The following CSNK1A1L variants were observed in gnomAD, a reference collection of about 807,000 sequenced individuals.
CSNK1A1L encodes the protein casein kinase 1 alpha 1 like, also known as casein kinase I isoform alpha-like.
In CSNK1A1L, 20 loss-of-function variants were observed where a neutral mutation model predicts 24.6. That is an observed-to-expected ratio of 0.81 (90% CI 0.57 to 1.18). The LOEUF (loss-of-function observed/expected upper bound fraction) is 1.18, where lower values mean the gene tolerates loss of function less well. Among genes scored for constraint, CSNK1A1L ranks in the 50% most tolerant of loss-of-function variants. CSNK1A1L has a pLI of 0.00. For synonymous variants in CSNK1A1L, 152 were observed against 154.0 expected, an observed-to-expected ratio of 0.99 and a Z score of 0.09; for missense variants, 414 against 419.0, an observed-to-expected ratio of 0.99 and a Z score of 0.10.
chr13:37,104,261 A>C lies in CSNK1A1L; in HGVS notation c.996T>G (p.Asn332Lys). 6.2e-7 allele frequency: 1 copy of C among 1,614,042 alleles called. No individual in the cohort carries two copies. Among genetic ancestry groups the C allele is most frequent in the South Asian group, 1.1e-5 (1 of 91,080 alleles). Reference sequence around the variant, plus strand: ...TTCACGCTTAGTTATCTTTCACATTATTCTTGTTTTTTTCAGTTTGCTTGC... The same window carrying C: ...TTCACGCTTAGTTATCTTTCACATTCTTCTTGTTTTTTTCAGTTTGCTTGC... The part of the protein sequence containing the change: ...QTGKQTEKNK[N>K]NVKDN The change falls in exon 1 of 1, where the codon AAT becomes AAG. Residue 332 changes from asparagine (N) to lysine (K), a missense_variant. By Grantham distance (94) the Asn-to-Lys change is moderately conservative. Coordinates refer to ENST00000379800, the MANE Select transcript of CSNK1A1L (RefSeq NM_145203.6).
In CSNK1A1L at chr13:37,105,396, G is replaced by A. The variant is rs989771082; in HGVS notation, c.-140C>T. The A allele has an allele frequency of 1.1e-6, 1 of 891,468 alleles. No homozygotes were observed. The highest frequency in any genetic ancestry group is 1.7e-5 in the South Asian group (1 of 59,198). 55.2% of individuals were successfully genotyped at this position (891,468 alleles called of 1,614,324 possible). ...CCGAGGCGTTTCCCGGTGTTACAGG[G>A]CGTGGAGTCAGCCTGATCCCTGCAG... On this transcript the variant is annotated 5_prime_UTR_variant, in exon 1 of 1. Transcript: ENST00000379800.
In CSNK1A1L at chr13:37,105,415, C is replaced by A; in HGVS notation, c.-159G>T. On this transcript the variant is annotated 5_prime_UTR_variant, in exon 1 of 1. Transcript: ENST00000379800. ...TACAGGGCGTGGAGTCAGCCTGATC[C>A]CTGCAGCACACCAGGATTTCCGCCA... The A allele has an allele frequency of 1.4e-6, 1 of 696,572 alleles. No homozygotes were observed. The allele number at this position is 696,572 out of a possible 1,614,324, so 43.1% of individuals were successfully genotyped here. A position where few individuals can be genotyped will look rare whatever the true frequency, so the allele number is the denominator to read the frequency against.
rs2070767461 is a variant in CSNK1A1L, at chr13:37,104,837, A to G, written c.420T>C (p.Asp140=). The G allele has an allele frequency of 6.2e-7, 1 of 1,613,694 alleles. No individual in the cohort carries two copies. Among genetic ancestry groups the G allele is most frequent in the African/African-American group, 1.3e-5 (1 of 74,784 alleles). The change falls in exon 1 of 1, where the codon GAT becomes GAC. Residue 140 remains aspartate, a synonymous_variant. Transcript: ENST00000379800. ...GACGCCCAGTACCCATCAGGAAGTT[A>G]TCTGGTTTAATGTCTCGGTGTAGAA... The part of the protein sequence containing the change: ...KNFLHRDIKP[D]NFLMGTGRHC...
Position 37,104,331 on chromosome 13 carries a change from G to A in CSNK1A1L, c.926C>T (p.Ala309Val), listed in dbSNP as rs758021029. Residue 309 changes from alanine to valine, a missense_variant, in exon 1 of 1, where the codon GCA becomes GTA. By Grantham distance (64) the Ala-to-Val change is moderately conservative. Transcript: ENST00000379800. ...TMLKQKAAQQ[A>V]ASSSGQGQQA... ...CTGACCCTGCCCACTGGAAGAGGCT[G>A]CCTGCTGTGCTGCTTTCTGCTTTAA... is the stretch of plus-strand genomic sequence containing the variant. 6.2e-7 allele frequency: 1 copy of A among 1,614,196 alleles called. No individual in the cohort carries two copies. The highest frequency in any genetic ancestry group is 8.5e-7 in the Non-Finnish European group (1 of 1,180,030).
At position 37,104,412 on chromosome 13, in the gene CSNK1A1L, C is replaced by T. The variant is rs759977373; in HGVS notation, c.845G>A (p.Arg282His). 1.2e-6 allele frequency: 2 copies of T among 1,614,106 alleles called. No homozygotes were observed. The highest frequency in any genetic ancestry group is 1.1e-5 in the South Asian group (1 of 91,080). Residue 282 changes from arginine (R) to histidine (H), a missense_variant, in exon 1 of 1, where the codon CGC becomes CAC. Coordinates refer to ENST00000379800, the MANE Select transcript of CSNK1A1L (RefSeq NM_145203.6). ...GTGGTTCAGGGTCCTGAAAAGAATG[C>T]GGAATAGCTGCCTCAGATACATGTA... Reference protein sequence around the residue: ...PDYMYLRQLFRILFRTLNHQY... With the variant: ...PDYMYLRQLFHILFRTLNHQY...
chr13:37,104,918 T>TA, the CSNK1A1L span: 2 of 1,614,154 alleles, frequency 1.2e-6, no homozygotes, highest in South Asian at 2.2e-5. Flanking sequence ...CTAACATAAG[T>TA]ACAGTTTTCA....
In CSNK1A1L at chr13:37,105,197, C is replaced by G. The variant is rs1287054950; in HGVS notation, c.60G>C (p.Val20=). 2 of 1,614,064 alleles carry G rather than the reference C, an allele frequency of 1.2e-6. No individual in the cohort carries two copies. Among genetic ancestry groups the G allele is most frequent in the Admixed American group, 1.7e-5 (1 of 60,012 alleles). Residue 20 remains valine (V), a synonymous_variant, in exon 1 of 1, where the codon GTG becomes GTC. Transcript: ENST00000379800. The part of the protein sequence containing the change: ...ELVVGGKYKL[V]RKIGSGSFGD... The stretch of plus-strand genomic sequence containing the variant: ...CAAAGGAGCCAGACCCGATCTTCCG[C>G]ACCAGTTTGTATTTCCCTCCCACAA...
At chr13:37,105,643 CTCCACCTCAGCCAACCACAAATCGAGAAT>C (rs1407523227) in exon 1 of CSNK1A1L, 3 of 204,658 alleles carry the variant, frequency 1.5e-5, no homozygotes, top group African/African-American at 7.0e-5. Flanking sequence ...CATTTTGTTC[CTCCACCTCAGCCAACCACAAATCGAGAAT>C]TTTTGGAGAA....
Position 37,105,171 on chromosome 13 carries a change from C to G in CSNK1A1L, c.86G>C (p.Gly29Ala). Residue 29 changes from glycine (G) to alanine (A), a missense_variant, in exon 1 of 1, where the codon GGA becomes GCA. Physicochemically the swap from Gly to Ala is moderately conservative, Grantham distance 60 (BLOSUM62 0). Coordinates refer to ENST00000379800, the MANE Select transcript of CSNK1A1L (RefSeq NM_145203.6). ...LVRKIGSGSF[G>A]DVYLGITTTN... Reference sequence around the variant, plus strand: ...GGTGGTGATGCCCAGATAAACGTCTCCAAAGGAGCCAGACCCGATCTTCCG... The same window carrying G: ...GGTGGTGATGCCCAGATAAACGTCTGCAAAGGAGCCAGACCCGATCTTCCG... The G allele has an allele frequency of 6.2e-7, 1 of 1,614,122 alleles. No homozygotes were observed. Among genetic ancestry groups the G allele is most frequent in the South Asian group, 1.1e-5 (1 of 91,080 alleles).
Position 37,103,865 on chromosome 13 carries a change from C to A in CSNK1A1L, c.*378G>T. On this transcript the variant is annotated 3_prime_UTR_variant, in exon 1 of 1. Coordinates refer to ENST00000379800, the MANE Select transcript of CSNK1A1L (RefSeq NM_145203.6). ...TTTGCAGCTGTGGCTGAATACTGTC[C>A]TTCTGAAATGATATCTCAAAGCAGT... The A allele has an allele frequency of 3.5e-6, 1 of 282,672 alleles. No homozygotes were observed. The highest frequency in any genetic ancestry group is 3.9e-5 in the South Asian group (1 of 25,800). The allele number at this position is 282,672 out of a possible 1,614,324, so 17.5% of individuals were successfully genotyped here. A position where few individuals can be genotyped will look rare whatever the true frequency, so the allele number is the denominator to read the frequency against.
chr13:37,105,331 G>T lies in CSNK1A1L; in HGVS notation c.-75C>A. The T allele has an allele frequency of 6.7e-7, 1 of 1,490,384 alleles. No homozygotes were observed. Among genetic ancestry groups the T allele is most frequent in the Non-Finnish European group, 9.1e-7 (1 of 1,104,108 alleles). 92.3% of individuals were successfully genotyped at this position (1,490,384 alleles called of 1,614,324 possible). On this transcript the variant is annotated 5_prime_UTR_variant, in exon 1 of 1. Transcript: ENST00000379800. ...AGGATGGAGGCCTCCGGGGCCCACCGGCCCGCAAGGCTGAGGATGAGGGCT... is the reference window on the plus strand; with the variant it reads ...AGGATGGAGGCCTCCGGGGCCCACCTGCCCGCAAGGCTGAGGATGAGGGCT...
rs2070769152 is a variant in CSNK1A1L, at chr13:37,105,084, A to G, written c.173T>C (p.Leu58Pro). 6.2e-7 allele frequency: 1 copy of G among 1,614,150 alleles called. No homozygotes were observed. Among genetic ancestry groups the G allele is most frequent in the East Asian group, 2.2e-5 (1 of 44,870 alleles). The change falls in exon 1 of 1, where the codon CTG (leucine) becomes CCG (proline). Residue 58 changes from leucine (L) to proline (P), a missense_variant. By Grantham distance (98) the Leu-to-Pro change is moderately conservative. Transcript: ENST00000379800. ...ESQKVKHPQL[L>P]YESKLYTILQ... ...AATCGTGTAGAGTTTGCTCTCATAC[A>G]GCAACTGGGGGTGCTTGACCTTCTG...
In CSNK1A1L at chr13:37,105,306, A is replaced by G; in HGVS notation, c.-50T>C. On this transcript the variant is annotated 5_prime_UTR_variant, in exon 1 of 1. Coordinates refer to ENST00000379800, the MANE Select transcript of CSNK1A1L (RefSeq NM_145203.6). ...GGCTCAGCCCTGACCCCTCTAGGGG[A>G]GGATGGAGGCCTCCGGGGCCCACCG... 6.4e-7 allele frequency: 1 copy of G among 1,565,200 alleles called. No homozygotes were observed. The highest frequency in any genetic ancestry group is 8.6e-7 in the Non-Finnish European group (1 of 1,156,620).
rs762770810 is a variant in CSNK1A1L at position 37,104,966 on chromosome 13, G to A, written c.291C>T (p.Leu97=). 3 of 1,614,014 alleles carry A rather than the reference G, an allele frequency of 1.9e-6. No individual in the cohort carries two copies. The highest frequency in any genetic ancestry group is 2.2e-5 in the East Asian group (1 of 44,864). The change falls in exon 1 of 1, where the codon CTC becomes CTT. Residue 97 remains leucine (L), a synonymous_variant. Coordinates refer to ENST00000379800, the MANE Select transcript of CSNK1A1L (RefSeq NM_145203.6). The part of the protein sequence containing the change: ...VLVMDLLGPS[L]EDLFNFCSRR... ...TTGAACAGAAATTAAAGAGGTCTTCGAGGCTGGGTCCCAGAAGGTCCATGA... is the reference window on the plus strand; with the variant it reads ...TTGAACAGAAATTAAAGAGGTCTTCAAGGCTGGGTCCCAGAAGGTCCATGA...
chr13:37,105,316 C>T lies in CSNK1A1L; in HGVS notation c.-60G>A. ...TGACCCCTCTAGGGGAGGATGGAGGCCTCCGGGGCCCACCGGCCCGCAAGG... is the reference window on the plus strand; with the variant it reads ...TGACCCCTCTAGGGGAGGATGGAGGTCTCCGGGGCCCACCGGCCCGCAAGG... On this transcript the variant is annotated 5_prime_UTR_variant, in exon 1 of 1. Transcript: ENST00000379800. 1 of 1,538,118 alleles carries T rather than the reference C, an allele frequency of 6.5e-7. No homozygotes were observed. Among genetic ancestry groups the T allele is most frequent in the African/African-American group, 1.4e-5 (1 of 72,516 alleles).
chr13:37,105,506 C>T lies in CSNK1A1L; in HGVS notation c.-250G>A, dbSNP rs1255592796. ...CCACCACCTCTTTCTCGGTGGCGGTCGCTGCCTCGCTGTCGTGGCGATGTC... is the reference window on the plus strand; with the variant it reads ...CCACCACCTCTTTCTCGGTGGCGGTTGCTGCCTCGCTGTCGTGGCGATGTC... On this transcript the variant is annotated 5_prime_UTR_variant, in exon 1 of 1. Transcript: ENST00000379800. 6.2e-6 allele frequency: 3 copies of T among 485,116 alleles called. No individual in the cohort carries two copies. Among genetic ancestry groups the T allele is most frequent in the Non-Finnish European group, 1.1e-5 (3 of 266,702 alleles). The allele number at this position is 485,116 out of a possible 1,614,324, so 30.1% of individuals were successfully genotyped here.
In CSNK1A1L at chr13:37,105,188, G is replaced by A. The variant is rs1566441038; in HGVS notation, c.69C>T (p.Ile23=). 4 of 1,614,148 alleles carry A rather than the reference G, an allele frequency of 2.5e-6. No homozygotes were observed. Among genetic ancestry groups the A allele is most frequent in the Admixed American group, 1.7e-5 (1 of 60,032 alleles). The change falls in exon 1 of 1, where the codon ATC becomes ATT. Residue 23 remains isoleucine, a synonymous_variant. Transcript: ENST00000379800. ...AAACGTCTCCAAAGGAGCCAGACCC[G>A]ATCTTCCGCACCAGTTTGTATTTCC... ...VGGKYKLVRK[I]GSGSFGDVYL...
Position 37,105,199 on chromosome 13 carries a change from C to G in CSNK1A1L, c.58G>C (p.Val20Leu), listed in dbSNP as rs912379551. 5 of 1,614,082 alleles carry G rather than the reference C, an allele frequency of 3.1e-6. No homozygotes were observed. In the African/African-American group the frequency reaches 5.3e-5, roughly 17 times the overall value. Reference sequence around the variant, plus strand: ...AAGGAGCCAGACCCGATCTTCCGCACCAGTTTGTATTTCCCTCCCACAACG... The same window carrying G: ...AAGGAGCCAGACCCGATCTTCCGCAGCAGTTTGTATTTCCCTCCCACAACG... ...ELVVGGKYKLVRKIGSGSFGD... is the reference protein window; with the variant it reads ...ELVVGGKYKLLRKIGSGSFGD... The change falls in exon 1 of 1, where the codon GTG becomes CTG. Residue 20 changes from valine to leucine, a missense_variant. Physicochemically the swap from Val to Leu is conservative, Grantham distance 32. Transcript: ENST00000379800.
rs2070769969 is a variant in CSNK1A1L at position 37,105,169 on chromosome 13, C to T, written c.88G>A (p.Asp30Asn). The change falls in exon 1 of 1, where the codon GAC (aspartate) becomes AAC (asparagine). Residue 30 changes from aspartate to asparagine, a missense_variant. Asp to Asn is a conservative substitution (Grantham distance 23). Coordinates refer to ENST00000379800, the MANE Select transcript of CSNK1A1L (RefSeq NM_145203.6). ...GTGGTGGTGATGCCCAGATAAACGT[C>T]TCCAAAGGAGCCAGACCCGATCTTC... ...VRKIGSGSFGDVYLGITTTNG... is the reference protein window; with the variant it reads ...VRKIGSGSFGNVYLGITTTNG... 6.2e-7 allele frequency: 1 copy of T among 1,614,032 alleles called. No individual in the cohort carries two copies. Among genetic ancestry groups the T allele is most frequent in the African/African-American group, 1.3e-5 (1 of 74,914 alleles).
Sources: gnomAD v4.1 joint callset for allele counts on GRCh38, gnomAD v4.1.1 for gene constraint, MANE v1.5 for transcripts, NCBI Gene and HGNC (gene_info 2026-07-23, HGNC 2026-07-21) for gene names.